The following TMEM132A variants were observed in gnomAD, a reference collection of about 807,000 sequenced individuals.
TMEM132A encodes the protein GRP78-binding protein.
A neutral mutation model predicts 69.9 loss-of-function variants in TMEM132A; 48 were observed. The ratio of observed to expected loss-of-function variants is 0.69; its 90% CI spans 0.55 to 0.87. The LOEUF is 0.87. Ranked by LOEUF, TMEM132A falls within the 40% of genes least tolerant of loss-of-function variation. The pLI is 0.00. For synonymous variants in TMEM132A, 577 were observed against 613.7 expected, an observed-to-expected ratio of 0.94 and a Z score of 0.88; for missense variants, 1,287 against 1,407.2, an observed-to-expected ratio of 0.91 and a Z score of 1.37.
Position 60,935,360 on chromosome 11 carries a change from C to T in TMEM132A, c.1945C>T (p.Leu649=), listed in dbSNP as rs745492989. The T allele has an allele frequency of 2.5e-5, 41 of 1,612,970 alleles. No individual in the cohort carries two copies. The highest frequency in any genetic ancestry group is 3.2e-5 in the Non-Finnish European group (38 of 1,179,704). Residue 649 remains leucine (L), a synonymous_variant, in exon 10 of 11, where the codon CTG becomes TTG. Transcript: ENST00000453848. The surrounding 1 kb of genome is among the most constrained non-coding windows in gnomAD (Gnocchi z 5.0). ...LRVQPVMGIS[L]TLSRGTAHPG... ...GGTGCAGCCAGTGATGGGCATCTCG[C>T]TGACCTTGAGCCGGGGCACTGCCCA...
chr11:60,928,349 G>A (rs1409599562), intron 3 of TMEM132A, among the ~76,000 whole-genome samples: 1 of 152,160 alleles, frequency 6.6e-6, no homozygotes, highest in Non-Finnish European at 1.5e-5. Context: ...GATAGTCCTG[G>A]GCTTGGTTAG....
chr11:60,933,373 G>A (rs1755783769), intron 7 of TMEM132A, 169 bp from the exon 8 acceptor site: 2 of 594,408 alleles, frequency 3.4e-6, no homozygotes, highest in South Asian at 4.2e-5. Context: ...TTGTAGAGAG[G>A]GAGTTTTGCC....
chr11:60,930,609 C>T lies in TMEM132A; in HGVS notation c.966C>T (p.His322=). ...KLDRFKGSRH[H]TTLITCHRAG... ...ACCGCTTCAAGGGCTCCAGGCACCA[C>T]ACCACCCTCATCACCTGCCACCGTG... The change falls in exon 5 of 11, where the codon CAC becomes CAT. Residue 322 remains histidine, a synonymous_variant. Coordinates refer to ENST00000453848, the MANE Select transcript of TMEM132A (RefSeq NM_178031.3). The T allele has an allele frequency of 6.2e-7, 1 of 1,613,612 alleles. No homozygotes were observed.
intron 4 of TMEM132A, among the ~76,000 whole-genome samples, chr11:60,929,925 C>A (rs1236987711): frequency 1.3e-5 from 2 of 152,060 alleles, no homozygotes; most frequent in Non-Finnish European, 2.9e-5. Flanking sequence ...GGGAAGGGAG[C>A]TGGATGGGCA....
chr11:60,928,728 G>A lies in TMEM132A; in HGVS notation c.634G>A (p.Ala212Thr). 6.2e-7 allele frequency: 1 copy of A among 1,609,744 alleles called. No homozygotes were observed. Among genetic ancestry groups the A allele is most frequent in the Middle Eastern group, 1.7e-4 (1 of 5,962 alleles). The change falls in exon 4 of 11, where the codon GCA becomes ACA. Residue 212 changes from alanine to threonine, a missense_variant. Physicochemically the swap from Ala to Thr is moderately conservative, Grantham distance 58. Transcript: ENST00000453848. ...CGAGCTGGCCTACACGCTTGAGCCT[G>A]CAGCTGAGGGCCCTGGGGGCTGTGG... ...RAELAYTLEP[A>T]AEGPGGCGSG...
intron 8 of TMEM132A, chr11:60,934,016 G>A: frequency 2.0e-6 from 1 of 507,762 alleles, no homozygotes; most frequent in Non-Finnish European, 3.5e-6. Flanking sequence ...AATGTTGCCT[G>A]TCCATCCTTT....
chr11:60,933,683 G>A lies in TMEM132A; in HGVS notation c.1498G>A (p.Glu500Lys), dbSNP rs762987115. Residue 500 changes from glutamate to lysine, a missense_variant, in exon 8 of 11, where the codon GAG becomes AAG. By Grantham distance (56) the Glu-to-Lys change is moderately conservative (BLOSUM62 1). Coordinates refer to ENST00000453848, the MANE Select transcript of TMEM132A (RefSeq NM_178031.3). ...GGCCCCCCTGCTACCGCTGCGTATC[G>A]AGCTCACCGACACCACCCTCGAGCA... ...VWAPLLPLRIELTDTTLEQVR... is the reference protein window; with the variant it reads ...VWAPLLPLRIKLTDTTLEQVR... 3 of 1,604,022 alleles carry A rather than the reference G, an allele frequency of 1.9e-6. No homozygotes were observed. Among genetic ancestry groups the A allele is most frequent in the East Asian group, 2.2e-5 (1 of 44,628 alleles).
chr11:60,924,789 C>T, intron 1 of TMEM132A, 56 bp downstream of exon 1: 1 of 1,266,290 alleles, frequency 7.9e-7, no homozygotes, highest in Non-Finnish European at 1.1e-6. Context: ...CGAGTGGGAG[C>T]GAGTGATGCC....
chr11:60,933,678 G>A lies in TMEM132A; in HGVS notation c.1493G>A (p.Arg498His), dbSNP rs770054621. The A allele has an allele frequency of 4.4e-6, 7 of 1,604,688 alleles. No individual in the cohort carries two copies. In the South Asian group the frequency reaches 4.4e-5, roughly 10 times the overall value. The change falls in exon 8 of 11, where the codon CGT becomes CAT. Residue 498 changes from arginine (R) to histidine (H), a missense_variant. Physicochemically the swap from Arg to His is conservative, Grantham distance 29. Coordinates refer to ENST00000453848, the MANE Select transcript of TMEM132A (RefSeq NM_178031.3). ...LTVWAPLLPL[R>H]IELTDTTLEQ... Reference sequence around the variant, plus strand: ...GTGTGGGCCCCCCTGCTACCGCTGCGTATCGAGCTCACCGACACCACCCTC... The same window carrying A: ...GTGTGGGCCCCCCTGCTACCGCTGCATATCGAGCTCACCGACACCACCCTC...
Position 60,933,572 on chromosome 11 carries a change from G to T in TMEM132A, c.1387G>T (p.Ala463Ser). ...VSEACDAVFVAGKESRGARGV... is the reference protein window; with the variant it reads ...VSEACDAVFVSGKESRGARGV... ...TGAGGCCTGTGATGCCGTGTTCGTG[G>T]CTGGCAAGGAGAGCCGGGGCGCCCG... is the stretch of plus-strand genomic sequence containing the variant. Residue 463 changes from alanine to serine, a missense_variant, in exon 8 of 11, where the codon GCT becomes TCT. By Grantham distance (99) the Ala-to-Ser change is moderately conservative (BLOSUM62 1). Coordinates refer to ENST00000453848, the MANE Select transcript of TMEM132A (RefSeq NM_178031.3). 7 of 1,607,720 alleles carry T rather than the reference G, an allele frequency of 4.4e-6. No individual in the cohort carries two copies. Among genetic ancestry groups the T allele is most frequent in the Non-Finnish European group, 5.9e-6 (7 of 1,179,214 alleles).
In TMEM132A at chr11:60,928,655, G is replaced by A. The variant is rs759908150; in HGVS notation, c.561G>A (p.Glu187=). ...CATCCCTGGGCGCCTGCGTGGTGGA[G>A]CTGGAGCTTCCCTCGCACTGGTTCT... ...FQPSLGACVV[E]LELPSHWFSQ... The change falls in exon 4 of 11, where the codon GAG becomes GAA. Residue 187 remains glutamate, a synonymous_variant. Transcript: ENST00000453848. The A allele has an allele frequency of 7.5e-6, 12 of 1,609,874 alleles. No homozygotes were observed. The highest frequency in any genetic ancestry group is 1.1e-5 in the South Asian group (1 of 90,970).
rs148971851 is a variant in TMEM132A at position 60,935,395 on chromosome 11, G to A, written c.1980G>A (p.Glu660=). The A allele has an allele frequency of 2.5e-6, 4 of 1,611,988 alleles. No individual in the cohort carries two copies. Among genetic ancestry groups the A allele is most frequent in the Non-Finnish European group, 3.4e-6 (4 of 1,179,376 alleles). Residue 660 remains glutamate (E), a synonymous_variant, in exon 10 of 11, where the codon GAG becomes GAA. Coordinates refer to ENST00000453848, the MANE Select transcript of TMEM132A (RefSeq NM_178031.3). This position sits in a 1 kb window ranked among gnomAD's most constrained non-coding sequence, Gnocchi z 5.0. ...TLSRGTAHPG[E]VTATCWAQSA... is the part of the protein sequence containing the mutation. ...GCCGGGGCACTGCCCACCCCGGGGA[G>A]GTCACAGCTACGTGCTGGGCACAGT...
intron 8 of TMEM132A, 46 bp downstream of exon 8, chr11:60,933,790 T>A: frequency 1.3e-6 from 2 of 1,514,940 alleles, no homozygotes; most frequent in South Asian, 2.4e-5. Flanking sequence ...CGAGTCACAC[T>A]GGGACGGAGA....
At chr11:60,933,515 G>C (rs543356280) in intron 7 of TMEM132A, 27 bp from the exon 8 acceptor site, 1 of 1,588,226 alleles carries the variant, frequency 6.3e-7, no homozygotes, top group East Asian at 2.3e-5. Flanking sequence ...GGCTTAGCCC[G>C]CCCACCTGCC....
intron 1 of TMEM132A, chr11:60,926,754 G>T (rs1031372610): frequency 4.2e-6 from 1 of 240,578 alleles, no homozygotes; most frequent in African/African-American, 2.3e-5. Context: ...AGGAGGGGTG[G>T]ATGCCCAGCA....
At chr11:60,934,415 T>C in intron 8 of TMEM132A, 73 bp from the exon 9 acceptor site, 1 of 1,261,556 alleles carries the variant, frequency 7.9e-7, no homozygotes, top group East Asian at 3.3e-5. Flanking sequence ...GCTGCGGGTC[T>C]CCAGCAGCTG....
At chr11:60,930,380 G>A in intron 4 of TMEM132A, 130 bp from the exon 5 acceptor site, 1 of 1,126,302 alleles carries the variant, frequency 8.9e-7, no homozygotes, top group South Asian at 1.7e-5. Flanking sequence ...CTGGGTTGGA[G>A]GATGGTGAAG....
chr11:60,928,896 G>C lies in TMEM132A; in HGVS notation c.802G>C (p.Gly268Arg). The C allele has an allele frequency of 6.2e-7, 1 of 1,612,758 alleles. No individual in the cohort carries two copies. The highest frequency in any genetic ancestry group is 2.2e-5 in the East Asian group (1 of 44,888). ...LRVPDMPVRP[G>R]QLFSATLLLR... ...GGTGCCTGACATGCCAGTGCGGCCC[G>C]GCCAGCTCTTTAGTGCTACCCTCCT... Residue 268 changes from glycine (G) to arginine (R), a missense_variant, in exon 4 of 11, where the codon GGC becomes CGC. Physicochemically the swap from Gly to Arg is moderately radical, Grantham distance 125. Coordinates refer to ENST00000453848, the MANE Select transcript of TMEM132A (RefSeq NM_178031.3).
chr11:60,929,650 G>GAT, intron 4 of TMEM132A, among the ~76,000 whole-genome samples: 1 of 152,186 alleles, frequency 6.6e-6, no homozygotes, highest in Non-Finnish European at 1.5e-5. Context: ...ACTGGGACTT[G>GAT]CTCACTTTGT....
Sources: allele counts gnomAD v4.1 joint callset (sites outside exome capture counted in the v4.1 genomes callset), GRCh38; gene constraint gnomAD v4.1.1; non-coding constraint Gnocchi (gnomAD v3.1); transcripts MANE v1.5; gene names NCBI Gene and HGNC (gene_info 2026-07-23, HGNC 2026-07-21).